Variants in FYCO1 observed in about 807,000 individuals in gnomAD.
The protein encoded by FYCO1 is FYVE and coiled-coil domain-containing protein 1.
In FYCO1, 122 loss-of-function variants were observed where a neutral mutation model predicts 165.1. That is an observed-to-expected ratio of 0.74 (90% CI 0.64 to 0.86). The LOEUF (loss-of-function observed/expected upper bound fraction) is 0.86. Among genes scored for constraint, FYCO1 ranks in the 40% least tolerant of loss-of-function variants. The pLI is 0.00. For synonymous variants in FYCO1, 648 were observed against 742.5 expected, an observed-to-expected ratio of 0.87 and a Z score of 2.07; for missense variants, 1,702 against 1,810.3, an observed-to-expected ratio of 0.94 and a Z score of 1.09.
intron 6 of FYCO1, among the ~76,000 whole-genome samples, chr3:45,970,817 G>C (rs1259289130): frequency 6.6e-6 from 1 of 151,868 alleles, no homozygotes; most frequent in Non-Finnish European, 1.5e-5. Context: ...GAAAAAAGCA[G>C]GTTGCAAAGG....
intron 16 of FYCO1, among the ~76,000 whole-genome samples, chr3:45,924,055 C>T (rs1436104873): frequency 3.3e-5 from 5 of 152,168 alleles, no homozygotes. Flanking sequence ...ACTCCATGGG[C>T]TAAAGGAGAA....
In FYCO1 at chr3:45,935,999, ATATT is replaced by A. The variant is rs534942024; in HGVS notation, c.4040+445_4040+448del. 1.6e-3 allele frequency among the ~76,000 whole-genome samples: 251 copies of A among 152,360 alleles called. 3 individuals carry two copies. In the Middle Eastern group the frequency reaches 0.017, roughly 10 times the overall value. ...AAAAGACTGCAAAATAAGATTTAGA[ATATT>A]TGTTTGTGTCAAAAATTATATGCAT... On this transcript the variant is annotated intron_variant, in intron 15 of 17. Coordinates refer to ENST00000296137, the MANE Select transcript of FYCO1 (RefSeq NM_024513.4).
chr3:45,947,214 A>T, intron 14 of FYCO1: 3 of 1,614,176 alleles, frequency 1.9e-6, no homozygotes, highest in Middle Eastern at 3.3e-4. Context: ...GCTGACCCAG[A>T]TGCCCTTCAA....
At chr3:45,980,218 G>A (rs1378019214) in intron 3 of FYCO1, among the ~76,000 whole-genome samples, 3 of 151,940 alleles carry the variant, frequency 2.0e-5, no homozygotes, top group Non-Finnish European at 4.4e-5. Context: ...GTGTGGTGGC[G>A]GGCGCCTGTG....
intron 5 of FYCO1, among the ~76,000 whole-genome samples, chr3:45,974,579 GA>G: frequency 6.6e-6 from 1 of 152,044 alleles, no homozygotes. Flanking sequence ...AAAAAATTTG[GA>G]ATACTCCAAA....
Position 45,967,014 on chromosome 3 carries a change from A to G in FYCO1, c.2320T>C (p.Ser774Pro). 1 of 1,613,188 alleles carries G rather than the reference A, an allele frequency of 6.2e-7. No individual in the cohort carries two copies. Among genetic ancestry groups the G allele is most frequent in the Non-Finnish European group, 8.5e-7 (1 of 1,179,996 alleles). Residue 774 changes from serine (S) to proline (P), a missense_variant, in exon 8 of 18, where the codon TCT (serine) becomes CCT (proline). Transcript: ENST00000296137. ...TGATGGACTTCCAGCTGCGCCTGAG[A>G]CAGGGCTAGCTGGGCAGCCAGCTCA... ...ARELAAQLAL[S>P]QAQLEVHQGE...
At chr3:45,928,662 A>G (rs908996934) in intron 16 of FYCO1, among the ~76,000 whole-genome samples, 1 of 152,014 alleles carries the variant, frequency 6.6e-6, no homozygotes, top group Admixed American at 6.5e-5. Context: ...TCACCTCACA[A>G]TGCTGCTTCT....
At chr3:45,990,411 C>T (rs1314985159) in intron 1 of FYCO1, among the ~76,000 whole-genome samples, 1 of 152,172 alleles carries the variant, frequency 6.6e-6, no homozygotes, top group Non-Finnish European at 1.5e-5. Flanking sequence ...CACTTGAGGC[C>T]TGGTAAGTGC....
At chr3:45,945,723 G>C (rs547740383) in intron 14 of FYCO1, 1 of 152,320 alleles carries the variant, frequency 6.6e-6, no homozygotes, top group Admixed American at 6.5e-5. Context: ...AACTGATGAA[G>C]GGGAAAGTTT....
intron 14 of FYCO1, chr3:45,947,092 T>A (rs1406177701): frequency 1.9e-6 from 3 of 1,614,158 alleles, no homozygotes; most frequent in Non-Finnish European, 2.5e-6. Context: ...TTCTTGCCAC[T>A]GCTCACCATG....
At chr3:45,955,088 C>T (rs962802560) in intron 14 of FYCO1, among the ~76,000 whole-genome samples, 161 bp downstream of exon 14, 1 of 152,208 alleles carries the variant, frequency 6.6e-6, no homozygotes, top group Non-Finnish European at 1.5e-5. Context: ...CTGACAACTT[C>T]CCGAGCGCCG....
At position 45,966,385 on chromosome 3, in the gene FYCO1, G is replaced by A; in HGVS notation, c.2949C>T (p.Ala983=). The A allele has an allele frequency of 6.2e-7, 1 of 1,613,958 alleles. No individual in the cohort carries two copies. Among genetic ancestry groups the A allele is most frequent in the South Asian group, 1.1e-5 (1 of 91,076 alleles). Residue 983 remains alanine (A), a synonymous_variant, in exon 8 of 18, where the codon GCC becomes GCT. Coordinates refer to ENST00000296137, the MANE Select transcript of FYCO1 (RefSeq NM_024513.4). ...GGCTCTGGGCCCGCTGCTCTGCCTG[G>A]GCGAGCTGGGCCTGCAGGCCAGGCA... The part of the protein sequence containing the change: ...GSLPGLQAQL[A]QAEQRAQSLQ...
chr3:45,965,728 A>G (rs1253138020), intron 8 of FYCO1, among the ~76,000 whole-genome samples: 1 of 152,210 alleles, frequency 6.6e-6, no homozygotes, highest in Non-Finnish European at 1.5e-5. Context: ...CAGAGATAGG[A>G]CATGAGGCAG....
At chr3:45,928,127 T>C (rs1478239499) in intron 16 of FYCO1, among the ~76,000 whole-genome samples, 1 of 152,234 alleles carries the variant, frequency 6.6e-6, no homozygotes, top group Non-Finnish European at 1.5e-5. Flanking sequence ...ACAGAATTTC[T>C]TTTTTGGAGT....
chr3:45,947,767 C>G, intron 14 of FYCO1: 1 of 487,028 alleles, frequency 2.1e-6, no homozygotes, highest in Non-Finnish European at 3.8e-6. Context: ...ATGCTGAAAC[C>G]AAGGGGGATG....
intron 14 of FYCO1, among the ~76,000 whole-genome samples, chr3:45,939,086 A>G (rs1388595326): frequency 6.6e-6 from 1 of 152,200 alleles, no homozygotes; most frequent in Admixed American, 6.5e-5. Flanking sequence ...GCCTACTGCT[A>G]GCTTGGCTGA....
chr3:45,957,200 T>C lies in FYCO1; in HGVS notation c.3799+1208A>G, dbSNP rs145858929. ...TGGTGTTGAAATAACTGGACAGCCA[T>C]ACAAAAAGATGAATCTCTATTCATA... On this transcript the variant is annotated intron_variant, in intron 13 of 17. Transcript: ENST00000296137. Among the ~76,000 whole-genome samples the C allele has an allele frequency of 4.9e-3, 751 of 152,272 alleles. 27 individuals are homozygous for C. Among genetic ancestry groups the C allele is most frequent in the Admixed American group, 0.045 (682 of 15,280 alleles).
chr3:45,975,456 C>G (rs1180339882), intron 4 of FYCO1, 111 bp from the exon 5 acceptor site: 5 of 745,620 alleles, frequency 6.7e-6, no homozygotes, highest in Non-Finnish European at 1.2e-5. Flanking sequence ...AAATGTCACC[C>G]AATTTTACCC....
chr3:45,955,120 A>G, intron 14 of FYCO1, 129 bp downstream of exon 14: 2 of 1,111,970 alleles, frequency 1.8e-6, no homozygotes, highest in Non-Finnish European at 2.7e-6. Context: ...GGCCATCGCA[A>G]GCACTGTTCC....
Sources: gnomAD v4.1 joint callset for allele counts (sites outside exome capture counted in the v4.1 genomes callset) on GRCh38, gnomAD v4.1.1 for gene constraint, MANE v1.5 for transcripts, NCBI Gene and HGNC (gene_info 2026-07-23, HGNC 2026-07-21) for gene names.